Variants in MYO15A observed in about 807,000 individuals in gnomAD.
The protein encoded by MYO15A is myosin XVA, also known as unconventional myosin-XV.
MYO15A carries 308 observed loss-of-function variants against 394.6 expected under a neutral mutation model. The ratio of observed to expected loss-of-function variants is 0.78; its 90% CI spans 0.71 to 0.86. The LOEUF is 0.86. MYO15A is among the 40% of genes least tolerant of loss of function. The pLI, the probability that MYO15A is intolerant of heterozygous loss-of-function variation, is 0.00. For missense variants in MYO15A, 4,606 were observed against 4,799.1 expected (o/e 0.96, Z 1.19); for synonymous variants, 1,957 against 2,003.8 (o/e 0.98, Z 0.62).
chr17:18,165,399 G>C (rs2046838904), intron 60 of MYO15A, among the ~76,000 whole-genome samples: 1 of 152,326 alleles, frequency 6.6e-6, no homozygotes, highest in Admixed American at 6.5e-5. Context: ...GGCTTCTAGA[G>C]GCTGCCCGCA....
intron 1 of MYO15A, chr17:18,109,781 GC>G (rs1450994221): frequency 1.3e-5 from 2 of 152,218 alleles, no homozygotes; most frequent in African/African-American, 4.8e-5. Flanking sequence ...AGTATGGCCT[GC>G]AGCTTTAGAA....
At position 18,157,796 on chromosome 17, in the gene MYO15A, G is replaced by A. The variant is rs1166056817; in HGVS notation, c.8863G>A (p.Asp2955Asn). Residue 2955 changes from aspartate (D) to asparagine (N), a missense_variant, in exon 51 of 66, where the codon GAC becomes AAC. Coordinates refer to ENST00000647165, the MANE Select transcript of MYO15A (RefSeq NM_016239.4). Reference sequence around the variant, plus strand: ...GCTGGTGCAGCCCGCTGCTGCCCCCGACTTCCTGCAGCTGCCAACGGAGCC... The same window carrying A: ...GCTGGTGCAGCCCGCTGCTGCCCCCAACTTCCTGCAGCTGCCAACGGAGCC... ...SELVQPAAAPDFLQLPTEPGR... is the reference protein window; with the variant it reads ...SELVQPAAAPNFLQLPTEPGR... The A allele has an allele frequency of 3.1e-6, 5 of 1,603,238 alleles. No homozygotes were observed. The highest frequency in any genetic ancestry group is 1.1e-5 in the South Asian group (1 of 91,042).
At chr17:18,163,055 A>G (rs2142403405) in intron 58 of MYO15A, among the ~76,000 whole-genome samples, 189 bp from the exon 59 acceptor site, 1 of 152,350 alleles carries the variant, frequency 6.6e-6, no homozygotes, top group Non-Finnish European at 1.5e-5. Context: ...AGCCCTGCCC[A>G]GAGACCTCTC....
chr17:18,173,501 A>G, intron 64 of MYO15A: 1 of 464,928 alleles, frequency 2.2e-6, no homozygotes. Context: ...GGGCACCAAT[A>G]CCTCTCTATC....
intron 11 of MYO15A, 101 bp from the exon 12 acceptor site, chr17:18,133,124 C>A: frequency 7.9e-7 from 1 of 1,259,126 alleles, no homozygotes; most frequent in Non-Finnish European, 1.1e-6. Flanking sequence ...GCTTGAGTGA[C>A]CAACTCAGGC....
At position 18,124,307 on chromosome 17, in the gene MYO15A, C is replaced by A. The variant is rs562481395; in HGVS notation, c.3610-176C>A. On this transcript the variant is annotated intron_variant, in intron 2 of 65. Transcript: ENST00000647165. ...ATGCGTGTGTCTCATGTGTGAGGGTCGCATGCAGGTTCTGGGGGCCACAGC... is the reference window on the plus strand; with the variant it reads ...ATGCGTGTGTCTCATGTGTGAGGGTAGCATGCAGGTTCTGGGGGCCACAGC... 8.8e-6 allele frequency: 6 copies of A among 685,224 alleles called. No homozygotes were observed. The East Asian group carries it at 1.6e-4, about 19-fold the overall frequency. 42.4% of individuals were successfully genotyped at this position (685,224 alleles called of 1,614,324 possible). A position where few individuals can be genotyped will look rare whatever the true frequency, so the allele number is the denominator to read the frequency against.
rs1323013259 is a variant in MYO15A at position 18,120,599 on chromosome 17, C to T, written c.1799C>T (p.Pro600Leu). The T allele has an allele frequency of 1.9e-6, 3 of 1,598,500 alleles. No individual in the cohort carries two copies. The highest frequency in any genetic ancestry group is 1.3e-5 in the African/African-American group (1 of 74,796). The change falls in exon 2 of 66, where the codon CCT becomes CTT. Residue 600 changes from proline (P) to leucine (L), a missense_variant. Pro to Leu is a moderately conservative substitution (Grantham distance 98). Transcript: ENST00000647165. ...AGCCAGAAGGCCCGGGCGGGCGGCCCTGCTGTCAGGGAGGCGGCCTACAAA... is the reference window on the plus strand; with the variant it reads ...AGCCAGAAGGCCCGGGCGGGCGGCCTTGCTGTCAGGGAGGCGGCCTACAAA... ...RGSQKARAGG[P>L]AVREAAYKRF...
chr17:18,121,900 C>A lies in MYO15A; in HGVS notation c.3100C>A (p.Pro1034Thr), dbSNP rs1038235310. 1.9e-6 allele frequency: 3 copies of A among 1,613,130 alleles called. No homozygotes were observed. The highest frequency in any genetic ancestry group is 8.5e-7 in the Non-Finnish European group (1 of 1,179,974). The change falls in exon 2 of 66, where the codon CCT (proline) becomes ACT (threonine). Residue 1034 changes from proline (P) to threonine (T), a missense_variant. This residue lies in a region of MYO15A where 1,830 missense variants were observed against 1,689.7 expected (regional missense o/e 1.08). Transcript: ENST00000647165. The surrounding 1 kb of genome is among the most constrained non-coding windows in gnomAD (Gnocchi z 5.3). Reference sequence around the variant, plus strand: ...AGAGACCAAGCCTCCAACCCCAGCACCTCCCAAGGATGTCACTCCCCCCAA... The same window carrying A: ...AGAGACCAAGCCTCCAACCCCAGCAACTCCCAAGGATGTCACTCCCCCCAA... ...PAETKPPTPA[P>T]PKDVTPPKDI...
At chr17:18,173,567 A>T (rs1285909564) in intron 64 of MYO15A, 1 of 645,650 alleles carries the variant, frequency 1.5e-6, no homozygotes, top group East Asian at 2.9e-5. Flanking sequence ...GCATCATCTC[A>T]TCAGTATTTG....
chr17:18,156,979 G>A lies in MYO15A; in HGVS notation c.8627G>A (p.Arg2876Lys), dbSNP rs2046685530. The change falls in exon 49 of 66, where the codon AGG becomes AAG. Residue 2876 changes from arginine (R) to lysine (K), a missense_variant. Physicochemically the swap from Arg to Lys is conservative, Grantham distance 26. Around this residue, in one of 2 missense-constraint regions of MYO15A, gnomAD observed 2,776 missense variants for 3,109.3 expected, o/e 0.89. Coordinates refer to ENST00000647165, the MANE Select transcript of MYO15A (RefSeq NM_016239.4). ...KKDSDYVVAV[R>K]NFLPEDPALL... The stretch of plus-strand genomic sequence containing the variant: ...GACTCTGACTACGTGGTCGCTGTGA[G>A]GAACTTCCTGCCTGAGGACCCTGCG... 6.2e-7 allele frequency: 1 copy of A among 1,614,182 alleles called. No individual in the cohort carries two copies. Among genetic ancestry groups the A allele is most frequent in the Non-Finnish European group, 8.5e-7 (1 of 1,180,036 alleles).
chr17:18,170,089 TCTG>T (rs1401231526), intron 62 of MYO15A, among the ~76,000 whole-genome samples: 8 of 151,702 alleles, frequency 5.3e-5, no homozygotes, highest in African/African-American at 1.9e-4. Flanking sequence ...CCTTCCCAGA[TCTG>T]CTTCTGCAGT....
intron 60 of MYO15A, 196 bp downstream of exon 60, chr17:18,164,034 A>G (rs1742562205): frequency 1.6e-6 from 1 of 637,502 alleles, no homozygotes; most frequent in African/African-American, 1.8e-5. Flanking sequence ...TGCTTTGCTT[A>G]GTTTGCCTCA....
Position 18,121,005 on chromosome 17 carries a change from A to C in MYO15A, c.2205A>C (p.Leu735=). The change falls in exon 2 of 66, where the codon CTA becomes CTC. Residue 735 remains leucine, a synonymous_variant. Transcript: ENST00000647165. The surrounding 1 kb of genome is among the most constrained non-coding windows in gnomAD (Gnocchi z 5.3). The part of the protein sequence containing the change: ...PAVSPEVPPD[L]LAFPGPRPSF... ...TGAGCCCGGAGGTGCCCCCCGACCT[A>C]CTAGCCTTCCCAGGGCCCCGACCCT... is the stretch of plus-strand genomic sequence containing the variant. The C allele has an allele frequency of 6.6e-7, 1 of 1,508,142 alleles. No homozygotes were observed. Among genetic ancestry groups the C allele is most frequent in the Non-Finnish European group, 8.8e-7 (1 of 1,133,382 alleles). The allele number at this position is 1,508,142 out of a possible 1,614,324, so 93.4% of individuals were successfully genotyped here.
chr17:18,113,864 T>G (rs1437437736), intron 1 of MYO15A, among the ~76,000 whole-genome samples: 1 of 144,520 alleles, frequency 6.9e-6, no homozygotes, highest in Admixed American at 6.8e-5. Flanking sequence ...AAGGCCTCAG[T>G]AAACACTGTA....
chr17:18,151,447 C>T lies in MYO15A; in HGVS notation c.7707C>T (p.Phe2569=), dbSNP rs2046580738. 1.2e-6 allele frequency: 2 copies of T among 1,614,214 alleles called. No homozygotes were observed. The highest frequency in any genetic ancestry group is 2.7e-5 in the African/African-American group (2 of 75,054). The change falls in exon 40 of 66, where the codon TTC becomes TTT. Residue 2569 remains phenylalanine, a synonymous_variant. Transcript: ENST00000647165. ...VRYSTLNSEH[F]PQPTQQIKNI... ...ACTCTACGCTCAACTCTGAGCACTT[C>T]CCACAGCCCACACAGCAGATCAAGA... is the stretch of plus-strand genomic sequence containing the variant.
chr17:18,138,383 A>C, intron 17 of MYO15A, 137 bp downstream of exon 17: 1 of 1,111,294 alleles, frequency 9.0e-7, no homozygotes. Context: ...CCGACCTACT[A>C]TTCACAACCT....
chr17:18,158,168 C>G (rs2046714018), intron 51 of MYO15A: 1 of 598,262 alleles, frequency 1.7e-6, no homozygotes, highest in African/African-American at 1.9e-5. Flanking sequence ...TGGGGTCAGA[C>G]CAGCCGGGGC....
chr17:18,131,298 C>G lies in MYO15A; in HGVS notation c.4098C>G (p.Asp1366Glu). The part of the protein sequence containing the change: ...SFGNAKTVRN[D>E]NSSRFGKFVE... Reference sequence around the variant, plus strand: ...GTAATGCCAAAACCGTCAGGAACGACAACTCCAGCCGCTTTGGGAAGTTTG... The same window carrying G: ...GTAATGCCAAAACCGTCAGGAACGAGAACTCCAGCCGCTTTGGGAAGTTTG... Residue 1366 changes from aspartate (D) to glutamate (E), a missense_variant, in exon 9 of 66, where the codon GAC becomes GAG. This residue lies in a region of MYO15A where 2,776 missense variants were observed against 3,109.3 expected (regional missense o/e 0.89). Coordinates refer to ENST00000647165, the MANE Select transcript of MYO15A (RefSeq NM_016239.4). The G allele has an allele frequency of 6.2e-7, 1 of 1,614,126 alleles. No individual in the cohort carries two copies. The highest frequency in any genetic ancestry group is 8.5e-7 in the Non-Finnish European group (1 of 1,180,008).
intron 7 of MYO15A, among the ~76,000 whole-genome samples, chr17:18,127,973 T>A (rs1026554837): frequency 1.3e-5 from 2 of 150,768 alleles, no homozygotes; most frequent in African/African-American, 4.9e-5. Flanking sequence ...AGTGTGGTGG[T>A]CAGGGTAGGC....
Sources: allele counts gnomAD v4.1 joint callset (sites outside exome capture counted in the v4.1 genomes callset), GRCh38; gene constraint gnomAD v4.1.1; regional missense constraint gnomAD v4.1.1; non-coding constraint Gnocchi (gnomAD v3.1); transcripts MANE v1.5; gene names NCBI Gene and HGNC (gene_info 2026-07-23, HGNC 2026-07-21).